The following GALNTL6 variants were observed in gnomAD, a reference collection of about 807,000 sequenced individuals.
GALNTL6 encodes polypeptide N-acetylgalactosaminyltransferase like 6.
GALNTL6 carries 46 observed loss-of-function variants against 73.7 expected under a neutral mutation model. The observed-to-expected ratio is 0.62, with a 90% CI of 0.49 to 0.80. The LOEUF is 0.80. GALNTL6 is among the 30% of genes least tolerant of loss of function. The pLI is 0.00. For synonymous variants in GALNTL6, 259 were observed against 263.7 expected (o/e 0.98, Z 0.17); for missense variants, 604 against 755.0 (o/e 0.80, Z 2.34).
At chr4:172,969,915 G>A (rs959088551) in intron 10 of GALNTL6, among the ~76,000 whole-genome samples, 2 of 152,186 alleles carry the variant, frequency 1.3e-5, no homozygotes, top group Admixed American at 1.3e-4. Flanking sequence ...TTCCCTAAGT[G>A]TCAGCTGGTC....
chr4:172,620,576 A>G (rs1560839565), intron 5 of GALNTL6, among the ~76,000 whole-genome samples: 1 of 152,220 alleles, frequency 6.6e-6, no homozygotes, highest in Non-Finnish European at 1.5e-5. Flanking sequence ...ACAGAATTAT[A>G]TCAATGACTT....
chr4:172,365,099 T>A (rs977837048), intron 5 of GALNTL6, among the ~76,000 whole-genome samples: 3 of 152,234 alleles, frequency 2.0e-5, no homozygotes, highest in African/African-American at 7.2e-5. Flanking sequence ...AGAATAAATC[T>A]GAGAGGGGCT....
chr4:172,656,306 G>C (rs1427002436), intron 5 of GALNTL6, among the ~76,000 whole-genome samples: 1 of 152,142 alleles, frequency 6.6e-6, no homozygotes, highest in Non-Finnish European at 1.5e-5. Context: ...CCTTGTGGTA[G>C]CACACTTAGG....
chr4:173,015,412 G>C (rs1752740861), intron 11 of GALNTL6, among the ~76,000 whole-genome samples: 2 of 152,312 alleles, frequency 1.3e-5, no homozygotes, highest in South Asian at 4.1e-4. Flanking sequence ...GGAGGGCTCA[G>C]AAGACAGGAA....
intron 2 of GALNTL6, among the ~76,000 whole-genome samples, chr4:172,217,185 G>GA (rs1202164456): frequency 6.6e-6 from 1 of 152,068 alleles, no homozygotes; most frequent in Non-Finnish European, 1.5e-5. Flanking sequence ...GGGCCTGGAA[G>GA]AAAAAGATCT....
intron 5 of GALNTL6, among the ~76,000 whole-genome samples, chr4:172,464,500 G>T (rs1732734202): frequency 6.6e-6 from 1 of 151,978 alleles, no homozygotes; most frequent in African/African-American, 2.4e-5. Flanking sequence ...CTGAGGTCAG[G>T]AGTTCAAGAC....
At chr4:172,910,107 T>C (rs922401146) in intron 8 of GALNTL6, among the ~76,000 whole-genome samples, 4 of 152,062 alleles carry the variant, frequency 2.6e-5, no homozygotes, top group Middle Eastern at 3.4e-3. Flanking sequence ...ATAAAACATA[T>C]ATAGTATATG....
chr4:172,143,271 G>T (rs1190891366), intron 2 of GALNTL6, among the ~76,000 whole-genome samples: 1 of 150,818 alleles, frequency 6.6e-6, no homozygotes, highest in South Asian at 2.1e-4. Flanking sequence ...AGCTATATGG[G>T]TTTTATGTTT....
At chr4:173,030,091 T>A (rs1753394288) in intron 12 of GALNTL6, among the ~76,000 whole-genome samples, 1 of 152,182 alleles carries the variant, frequency 6.6e-6, no homozygotes, top group Admixed American at 6.5e-5. Flanking sequence ...TTCAAACATC[T>A]TGCTGAAAAC....
At chr4:172,014,139 G>T (rs1741112232) in intron 2 of GALNTL6, among the ~76,000 whole-genome samples, 1 of 151,996 alleles carries the variant, frequency 6.6e-6, no homozygotes, top group Admixed American at 6.6e-5. Flanking sequence ...TACTCAGATT[G>T]CTTCCAAACC....
intron 2 of GALNTL6, among the ~76,000 whole-genome samples, chr4:171,960,811 T>C (rs1044093187): frequency 1.8e-4 from 28 of 151,538 alleles, no homozygotes; most frequent in Admixed American, 1.2e-3. Flanking sequence ...CTATTACAAC[T>C]GATGGGAGCA....
intron 12 of GALNTL6, among the ~76,000 whole-genome samples, chr4:173,029,226 G>A (rs1025037501): frequency 2.6e-5 from 4 of 152,204 alleles, no homozygotes; most frequent in Non-Finnish European, 2.9e-5. Flanking sequence ...GTGGTCAGAG[G>A]TTGGGCAGTC....
At chr4:171,908,292 T>C (rs1033069328) in intron 2 of GALNTL6, among the ~76,000 whole-genome samples, 2 of 150,820 alleles carry the variant, frequency 1.3e-5, no homozygotes, top group East Asian at 1.9e-4. Flanking sequence ...CTCAAACAAA[T>C]TTACAAGAAA....
Position 172,857,187 on chromosome 4 carries a change from C to T in GALNTL6, c.924-25603C>T, listed in dbSNP as rs148691789. ...CATGTTAATCCCTGAAGGCGGGAAG[C>T]AAATGAAATATTATAATTACCTTTT... On this transcript the variant is annotated intron_variant, in intron 7 of 12. Coordinates refer to ENST00000506823, the MANE Select transcript of GALNTL6 (RefSeq NM_001034845.3). Among the ~76,000 whole-genome samples, 428 of 152,314 alleles carry T rather than the reference C, an allele frequency of 2.8e-3. 2 individuals carry two copies. The highest frequency in any genetic ancestry group is 5.8e-3 in the Admixed American group (88 of 15,290).
At chr4:172,176,078 G>T (rs1416580449) in intron 2 of GALNTL6, among the ~76,000 whole-genome samples, 2 of 151,996 alleles carry the variant, frequency 1.3e-5, no homozygotes, top group Non-Finnish European at 2.9e-5. Context: ...GGTGGCTCAC[G>T]CCTGTAATCC....
intron 7 of GALNTL6, among the ~76,000 whole-genome samples, chr4:172,829,183 C>A (rs932511427): frequency 9.2e-5 from 14 of 152,298 alleles, no homozygotes; most frequent in African/African-American, 3.4e-4. Flanking sequence ...CACCTACATG[C>A]ACTCTTCGGA....
chr4:172,415,482 A>G lies in GALNTL6; in HGVS notation c.553+66793A>G, dbSNP rs12640352. 2.0e-4 allele frequency among the ~76,000 whole-genome samples: 30 copies of G among 151,894 alleles called. No homozygotes were observed. In the East Asian group the frequency reaches 5.5e-3, roughly 28 times the overall value. On this transcript the variant is annotated intron_variant, in intron 5 of 12. Coordinates refer to ENST00000506823, the MANE Select transcript of GALNTL6 (RefSeq NM_001034845.3). Reference sequence around the variant, plus strand: ...CCATGCAGCTCTGGATTAAGTACTCATGGCTTTTTGCCCTGAATGGTTATA... The same window carrying G: ...CCATGCAGCTCTGGATTAAGTACTCGTGGCTTTTTGCCCTGAATGGTTATA...
At chr4:172,815,713 G>A (rs1044516089) in intron 7 of GALNTL6, among the ~76,000 whole-genome samples, 1 of 152,166 alleles carries the variant, frequency 6.6e-6, no homozygotes, top group Non-Finnish European at 1.5e-5. Flanking sequence ...CACAGAGCTG[G>A]CAGAATTGGT....
intron 10 of GALNTL6, among the ~76,000 whole-genome samples, chr4:172,987,452 A>C (rs1751339471): frequency 6.6e-6 from 1 of 152,258 alleles, no homozygotes; most frequent in Non-Finnish European, 1.5e-5. Context: ...CCCATGACAC[A>C]TGAGGATTAT....
Sources: gnomAD v4.1 joint callset for allele counts (sites outside exome capture counted in the v4.1 genomes callset) on GRCh38, gnomAD v4.1.1 for gene constraint, MANE v1.5 for transcripts, NCBI Gene and HGNC (gene_info 2026-07-23, HGNC 2026-07-21) for gene names.